The following DST variants were observed in gnomAD, a reference collection of about 807,000 sequenced individuals.
DST encodes dystonin.
Under a neutral mutation model 875.2 loss-of-function variants are expected in DST, and 253 were observed. The observed-to-expected ratio is 0.29, with a 90% confidence interval of 0.26 to 0.32. DST has a LOEUF of 0.32. Among genes scored for constraint, DST ranks in the 10% least tolerant of loss-of-function variants. The pLI is 1.00. For synonymous variants in DST, 3,124 were observed against 3,197.1 expected (o/e 0.98, Z 0.77); for missense variants, 8,287 against 9,111.6 (o/e 0.91, Z 3.68).
intron 8 of DST, among the ~76,000 whole-genome samples, chr6:56,701,023 C>T (rs139307722): frequency 1.3e-3 from 199 of 148,084 alleles, no homozygotes; most frequent in African/African-American, 4.2e-3. Flanking sequence ...TCTGTTACCC[C>T]GGCTGGAGTG....
chr6:56,611,705 T>TCTGGGTGACCCAAGTGAATAAC, intron 37 of DST, 109 bp from the exon 38 acceptor site: 1 of 732,216 alleles, frequency 1.4e-6, no homozygotes, highest in Non-Finnish European at 2.2e-6. Flanking sequence ...AAGTCTATTT[T>TCTGGGTGACCCAAGTGAATAAC]CTGGGTGACC....
intron 10 of DST, among the ~76,000 whole-genome samples, chr6:56,666,130 G>C (rs531217230): frequency 2.0e-5 from 3 of 151,786 alleles, no homozygotes. Context: ...TATTTTCTAC[G>C]GAAAATTTTA....
chr6:56,601,311 T>TA, intron 44 of DST, 132 bp downstream of exon 44: 1 of 613,226 alleles, frequency 1.6e-6, no homozygotes, highest in Non-Finnish European at 2.9e-6. Flanking sequence ...CTGTAGGATT[T>TA]GTATGTACAC....
In DST at chr6:56,470,268, G is replaced by A. The variant is rs1209157152; in HGVS notation, c.22336C>T (p.Arg7446Cys). ...TCTGCAACTGCGCTCATCTCCAAGC[G>A]ACTGGTTGGAAACTCTAAAATTTTG... is the stretch of plus-strand genomic sequence containing the variant. The part of the protein sequence containing the change: ...GILSSKFPTS[R>C]LEMSAVADIF... Residue 7446 changes from arginine to cysteine, a missense_variant, in exon 96 of 104, where the codon CGC becomes TGC. Coordinates refer to ENST00000680361, the MANE Select transcript of DST (RefSeq NM_001374736.1). 2.5e-6 allele frequency: 4 copies of A among 1,603,278 alleles called. No homozygotes were observed. Among genetic ancestry groups the A allele is most frequent in the East Asian group, 4.5e-5 (2 of 44,722 alleles).
chr6:56,573,673 A>C lies in DST; in HGVS notation c.13236+6T>G. On this transcript the variant is annotated splice_donor_region_variant and intron_variant, in intron 51 of 103. Transcript: ENST00000680361. ...GAAAATGGGACTTTTTTTTAAAGTC[A>C]CTTACAATGTTTTTACTGATAATAT... The C allele has an allele frequency of 6.3e-7, 1 of 1,600,000 alleles. No homozygotes were observed. The highest frequency in any genetic ancestry group is 8.5e-7 in the Non-Finnish European group (1 of 1,170,542).
intron 4 of DST, among the ~76,000 whole-genome samples, chr6:56,794,714 A>G (rs1310117163): frequency 6.6e-6 from 1 of 152,226 alleles, no homozygotes. Context: ...TCAAAGAGAC[A>G]GGGGCTCTAA....
At chr6:56,711,983 C>T (rs34255101) in intron 5 of DST, among the ~76,000 whole-genome samples, 37,210 of 146,100 alleles carry the variant, frequency 0.25, 6,406 homozygotes, top group African/African-American at 0.49. Flanking sequence ...CCCAGCTACT[C>T]GGGAGGCTGA....
chr6:56,762,695 C>T (rs1295779926), intron 4 of DST, among the ~76,000 whole-genome samples: 1 of 152,148 alleles, frequency 6.6e-6, no homozygotes, highest in Non-Finnish European at 1.5e-5. Flanking sequence ...ACTACTTTCC[C>T]TTCATCTCTT....
chr6:56,468,077 A>G (rs2094676656), intron 98 of DST, among the ~76,000 whole-genome samples: 2 of 152,188 alleles, frequency 1.3e-5, no homozygotes, highest in African/African-American at 4.8e-5. Context: ...CTTGAGATGT[A>G]ATATGGCTTT....
intron 4 of DST, among the ~76,000 whole-genome samples, chr6:56,794,271 T>C (rs1265034735): frequency 6.6e-6 from 1 of 152,192 alleles, no homozygotes; most frequent in Non-Finnish European, 1.5e-5. Flanking sequence ...TCTCTTTATT[T>C]TTCATTTACC....
chr6:56,938,108 C>CTCTCTCTCTCTATATATATATATA (rs1383243392), intron 2 of DST, among the ~76,000 whole-genome samples: 30 of 120,740 alleles, frequency 2.5e-4, no homozygotes, highest in African/African-American at 1.0e-3. Flanking sequence ...CTCTCTCTCT[C>CTCTCTCTCTCTATATATATATATA]TATATATATA....
chr6:56,641,310 G>C (rs1301667708), intron 17 of DST, among the ~76,000 whole-genome samples: 1 of 152,096 alleles, frequency 6.6e-6, no homozygotes, highest in Non-Finnish European at 1.5e-5. Context: ...TTTTTGGCCA[G>C]GCATGGTGGC....
At chr6:56,749,594 T>TA (rs2099581771) in intron 4 of DST, among the ~76,000 whole-genome samples, 1 of 152,220 alleles carries the variant, frequency 6.6e-6, no homozygotes. Flanking sequence ...TCTTAGTAAC[T>TA]ACTTTCATAT....
intron 4 of DST, among the ~76,000 whole-genome samples, chr6:56,830,320 G>A (rs2099785530): frequency 6.6e-6 from 1 of 152,132 alleles, no homozygotes. Context: ...TGTACACGCA[G>A]TAGTCCCAAT....
chr6:56,476,507 G>A (rs1329914830), intron 91 of DST, among the ~76,000 whole-genome samples, 170 bp from the exon 92 acceptor site: 2 of 152,178 alleles, frequency 1.3e-5, no homozygotes, highest in African/African-American at 4.8e-5. Flanking sequence ...GCTTGAGGAG[G>A]ACATGAGAGC....
chr6:56,550,094 G>A (rs1042966605), intron 61 of DST, among the ~76,000 whole-genome samples: 2 of 152,086 alleles, frequency 1.3e-5, no homozygotes, highest in Non-Finnish European at 2.9e-5. Context: ...GTTGATTATT[G>A]TAATTACTAT....
At chr6:56,709,224 A>C (rs1388304708) in intron 5 of DST, among the ~76,000 whole-genome samples, 1 of 152,222 alleles carries the variant, frequency 6.6e-6, no homozygotes, top group Non-Finnish European at 1.5e-5. Flanking sequence ...TTTACTTAAA[A>C]GAATATCCCA....
At position 56,640,566 on chromosome 6, in the gene DST, G is replaced by A. The variant is rs145830188; in HGVS notation, c.2067C>T (p.Asn689=). 73 of 1,613,992 alleles carry A rather than the reference G, an allele frequency of 4.5e-5. No individual in the cohort carries two copies. Among genetic ancestry groups the A allele is most frequent in the Non-Finnish European group, 5.8e-5 (68 of 1,180,010 alleles). ...CTTTGCTGTACACAGAAGAACATTC[G>A]TTCCTTAAGGCCATAATTTCGTCAC... ...KLRDEIMALR[N]ECSSVYSKGR... is the part of the protein sequence containing the mutation. The change falls in exon 18 of 104, where the codon AAC becomes AAT. Residue 689 remains asparagine, a synonymous_variant. Coordinates refer to ENST00000680361, the MANE Select transcript of DST (RefSeq NM_001374736.1).
chr6:56,941,155 C>T (rs1385667010), intron 2 of DST, among the ~76,000 whole-genome samples: 1 of 152,132 alleles, frequency 6.6e-6, no homozygotes, highest in Non-Finnish European at 1.5e-5. Flanking sequence ...TTTAGACTTT[C>T]CTTCTTTTCT....
Sources: allele counts gnomAD v4.1 joint callset (sites outside exome capture counted in the v4.1 genomes callset), GRCh38; gene constraint gnomAD v4.1.1; transcripts MANE v1.5; gene names NCBI Gene and HGNC (gene_info 2026-07-23, HGNC 2026-07-21).